Variants in DISC1 observed in about 807,000 individuals in gnomAD.
DISC1 encodes disrupted in schizophrenia 1 protein.
Under a neutral mutation model 84.5 loss-of-function variants are expected in DISC1, and 57 were observed. The ratio of observed to expected loss-of-function variants is 0.67; its 90% confidence interval spans 0.55 to 0.84. DISC1 has a LOEUF of 0.84. DISC1 is among the 40% of genes least tolerant of loss of function. The pLI is 0.00. For synonymous variants in DISC1, 411 were observed against 415.2 expected (o/e 0.99, Z 0.12); for missense variants, 1,000 against 1,057.8 (o/e 0.95, Z 0.76).
chr1:232,012,543 C>T (rs962927283), intron 11 of DISC1, among the ~76,000 whole-genome samples: 3 of 152,188 alleles, frequency 2.0e-5, no homozygotes, highest in Non-Finnish European at 2.9e-5. Flanking sequence ...TTTAGAACTC[C>T]GTGCTGGGTC....
At chr1:231,839,843 G>A (rs997022851) in intron 9 of DISC1, among the ~76,000 whole-genome samples, 1 of 152,082 alleles carries the variant, frequency 6.6e-6, no homozygotes. Flanking sequence ...AGCAAGAGGC[G>A]AGGTGGAGGT....
chr1:231,957,615 C>G (rs186236276), intron 9 of DISC1, among the ~76,000 whole-genome samples: 428 of 152,140 alleles, frequency 2.8e-3, no homozygotes, highest in Non-Finnish European at 4.9e-3. Flanking sequence ...AATAATTGCT[C>G]CAGCTAGCAC....
intron 4 of DISC1, among the ~76,000 whole-genome samples, chr1:231,762,048 T>G (rs764554696): frequency 6.6e-6 from 1 of 152,242 alleles, no homozygotes; most frequent in Admixed American, 6.5e-5. Flanking sequence ...TTCTGATGCA[T>G]ATAAATATCC....
At chr1:231,769,150 A>G (rs1292402796) in intron 5 of DISC1, among the ~76,000 whole-genome samples, 1 of 152,224 alleles carries the variant, frequency 6.6e-6, no homozygotes. Context: ...CACATTGTAA[A>G]TAATTTGACT....
chr1:232,025,196 G>A (rs1461529491), intron 11 of DISC1, among the ~76,000 whole-genome samples: 1 of 152,164 alleles, frequency 6.6e-6, no homozygotes, highest in Non-Finnish European at 1.5e-5. Context: ...ATTATTATTT[G>A]GGGCCTTTGA....
chr1:231,819,894 A>T (rs1177408707), intron 9 of DISC1, among the ~76,000 whole-genome samples: 1 of 152,154 alleles, frequency 6.6e-6, no homozygotes, highest in Non-Finnish European at 1.5e-5. Flanking sequence ...GTCCAGCAAT[A>T]TTTTCATTTG....
At chr1:231,674,627 A>G (rs984066903) in intron 1 of DISC1, among the ~76,000 whole-genome samples, 1 of 152,236 alleles carries the variant, frequency 6.6e-6, no homozygotes, top group African/African-American at 2.4e-5. Flanking sequence ...CACATCATCA[A>G]AGCAGTTCTC....
intron 1 of DISC1, among the ~76,000 whole-genome samples, chr1:231,668,091 A>C (rs1425022797): frequency 6.6e-6 from 1 of 151,994 alleles, no homozygotes; most frequent in Non-Finnish European, 1.5e-5. Flanking sequence ...TAATACATAC[A>C]TCTTGATAAG....
chr1:231,713,321 C>T (rs972257068), intron 3 of DISC1, among the ~76,000 whole-genome samples: 14 of 152,070 alleles, frequency 9.2e-5, no homozygotes, highest in Non-Finnish European at 1.0e-4. Flanking sequence ...CCTGAGAAAG[C>T]CCAGCCATCA....
rs1241060798 is a variant in DISC1 at position 231,993,838 on chromosome 1, C to T, written c.2043-14947C>T. Among the ~76,000 whole-genome samples, 4 of 152,306 alleles carry T rather than the reference C, an allele frequency of 2.6e-5. 1 individual carries two copies. In the South Asian group the frequency reaches 6.2e-4, roughly 24 times the overall value. On this transcript the variant is annotated intron_variant, in intron 10 of 12. Transcript: ENST00000439617. ...GATTCTGTGTCTTAAAACTTCAATT[C>T]ATGCTTCATATAATTATCAATTTAA...
At chr1:231,764,116 G>A (rs554219559) in intron 4 of DISC1, among the ~76,000 whole-genome samples, 56 of 152,288 alleles carry the variant, frequency 3.7e-4, no homozygotes, top group African/African-American at 1.2e-3. Context: ...GAGATGCCAC[G>A]GAAGGAGGGG....
chr1:231,893,812 G>A lies in DISC1; in HGVS notation c.1982-65016G>A, dbSNP rs147759203. 4.5e-3 allele frequency among the ~76,000 whole-genome samples: 692 copies of A among 152,300 alleles called. 5 individuals are homozygous for A. Among genetic ancestry groups the A allele is most frequent in the African/African-American group, 0.016 (654 of 41,560 alleles). On this transcript the variant is annotated intron_variant, in intron 9 of 12. Transcript: ENST00000439617. ...GGCATGGGGAGATGACGCTTACTCT[G>A]CCTGTACTGAAGAGAAAGGAGAGAA...
intron 3 of DISC1, among the ~76,000 whole-genome samples, chr1:231,747,523 C>T (rs1373563686): frequency 2.6e-5 from 4 of 152,086 alleles, no homozygotes; most frequent in South Asian, 2.1e-4. Context: ...TTCTTTTCCC[C>T]GATTAGTGTT....
chr1:231,864,173 T>C (rs1182269415), intron 9 of DISC1, among the ~76,000 whole-genome samples: 1 of 152,156 alleles, frequency 6.6e-6, no homozygotes, highest in African/African-American at 2.4e-5. Flanking sequence ...ATACTTGCAA[T>C]TTTTCATTAT....
intron 9 of DISC1, among the ~76,000 whole-genome samples, chr1:231,821,687 A>G (rs1006472302): frequency 6.6e-6 from 1 of 151,010 alleles, no homozygotes; most frequent in African/African-American, 2.4e-5. Context: ...GAAAAAAATC[A>G]GCAACTTTTA....
intron 3 of DISC1, among the ~76,000 whole-genome samples, chr1:231,705,460 G>C (rs1366594583): frequency 6.6e-6 from 1 of 151,916 alleles, no homozygotes; most frequent in Non-Finnish European, 1.5e-5. Context: ...TGGGTTTGAT[G>C]CAACAGACGG....
chr1:231,986,575 T>G (rs1010299903), intron 10 of DISC1, among the ~76,000 whole-genome samples: 26 of 152,228 alleles, frequency 1.7e-4, no homozygotes, highest in Non-Finnish European at 7.3e-5. Flanking sequence ...ATCATGTATG[T>G]TCAATATCAG....
chr1:232,015,448 C>A (rs763135761), intron 11 of DISC1, among the ~76,000 whole-genome samples: 1 of 152,058 alleles, frequency 6.6e-6, no homozygotes. Flanking sequence ...TCATTTTCTG[C>A]GTTTGTAACA....
intron 10 of DISC1, among the ~76,000 whole-genome samples, chr1:231,965,880 T>C (rs1397219589): frequency 6.6e-6 from 1 of 152,246 alleles, no homozygotes; most frequent in African/African-American, 2.4e-5. Context: ...GTACCCATAG[T>C]GGTAGCCATG....
Sources: allele counts gnomAD v4.1 joint callset (sites outside exome capture counted in the v4.1 genomes callset), GRCh38; gene constraint gnomAD v4.1.1; transcripts MANE v1.5; gene names NCBI Gene and HGNC (gene_info 2026-07-23, HGNC 2026-07-21).